Variants in ELOVL7 observed in about 807,000 individuals in gnomAD.
ELOVL7 encodes ELOVL fatty acid elongase 7.
Under a neutral mutation model 35.7 loss-of-function variants are expected in ELOVL7, and 27 were observed. That is an observed-to-expected ratio of 0.76 (90% CI 0.56 to 1.04). The LOEUF (loss-of-function observed/expected upper bound fraction) is 1.04, where lower values mean the gene tolerates loss of function less well. Ranked by LOEUF, ELOVL7 falls within the 50% of genes least tolerant of loss-of-function variation. ELOVL7 has a pLI of 0.00. For synonymous variants in ELOVL7, 113 were observed against 114.6 expected (o/e 0.99, Z 0.09); for missense variants, 327 against 340.8 (o/e 0.96, Z 0.32).
chr5:60,778,684 G>A (rs1047882373), intron 3 of ELOVL7, among the ~76,000 whole-genome samples: 7 of 152,138 alleles, frequency 4.6e-5, no homozygotes, highest in Admixed American at 3.3e-4. Flanking sequence ...TGAAATTTGG[G>A]TGGGGATACA....
intron 3 of ELOVL7, among the ~76,000 whole-genome samples, chr5:60,777,790 G>A (rs1045253336): frequency 2.0e-5 from 3 of 152,158 alleles, no homozygotes; most frequent in Admixed American, 6.5e-5. Context: ...AACCATAAAA[G>A]TGAGATATCC....
At chr5:60,776,628 C>A in intron 3 of ELOVL7, among the ~76,000 whole-genome samples, 1 of 152,150 alleles carries the variant, frequency 6.6e-6, no homozygotes, top group African/African-American at 2.4e-5. Flanking sequence ...AATGCAAAAC[C>A]AAATGCTACA....
chr5:60,784,041 G>A (rs138591167), intron 3 of ELOVL7: 285 of 826,798 alleles, frequency 3.4e-4, no homozygotes, highest in African/African-American at 2.1e-3. Flanking sequence ...TTAATAATTC[G>A]TTTCTAAGAG....
At chr5:60,819,474 A>G (rs1053081800) in intron 1 of ELOVL7, among the ~76,000 whole-genome samples, 29 of 152,230 alleles carry the variant, frequency 1.9e-4, no homozygotes, top group Non-Finnish European at 3.7e-4. Flanking sequence ...GCTAGAATGC[A>G]TAAGTGTTTA....
At chr5:60,802,528 T>C (rs1228156925) in intron 1 of ELOVL7, 4 of 152,174 alleles carry the variant, frequency 2.6e-5, no homozygotes, top group Non-Finnish European at 5.9e-5. Context: ...CAATCAATGC[T>C]GGAAAAGATT....
chr5:60,814,211 G>T (rs541858176), intron 1 of ELOVL7, among the ~76,000 whole-genome samples: 6 of 152,224 alleles, frequency 3.9e-5, no homozygotes, highest in African/African-American at 1.2e-4. Flanking sequence ...GTTCTGAAAA[G>T]AATAAAATTT....
chr5:60,795,714 C>T (rs1047542368), intron 2 of ELOVL7, among the ~76,000 whole-genome samples: 2 of 152,236 alleles, frequency 1.3e-5, no homozygotes, highest in African/African-American at 2.4e-5. Context: ...CAGTGAGGCG[C>T]CCATTGCCAC....
rs574748073 is a variant in ELOVL7 at position 60,786,866 on chromosome 5, A to C, written c.64+468T>G. 7.1e-3 allele frequency among the ~76,000 whole-genome samples: 1,084 copies of C among 151,690 alleles called. 5 individuals carry two copies. Among genetic ancestry groups the C allele is most frequent in the Non-Finnish European group, 0.012 (785 of 67,854 alleles). Reference sequence around the variant, plus strand: ...CTCAGGCAGAAGAATGGCGTGAACCAGGGAGGCGGAGGTTGCAGGGAGGCG... The same window carrying C: ...CTCAGGCAGAAGAATGGCGTGAACCCGGGAGGCGGAGGTTGCAGGGAGGCG... On this transcript the variant is annotated intron_variant, in intron 3 of 8. Coordinates refer to ENST00000508821, the MANE Select transcript of ELOVL7 (RefSeq NM_024930.3).
chr5:60,761,595 G>T (rs974702905), intron 7 of ELOVL7, among the ~76,000 whole-genome samples: 5 of 152,032 alleles, frequency 3.3e-5, no homozygotes, highest in African/African-American at 1.2e-4. Flanking sequence ...TAGGTTTGGG[G>T]GGAATATTGG....
chr5:60,798,869 T>C (rs1744423820), intron 2 of ELOVL7, among the ~76,000 whole-genome samples: 1 of 152,230 alleles, frequency 6.6e-6, no homozygotes, highest in African/African-American at 2.4e-5. Flanking sequence ...TTAACAGACA[T>C]GTGCTGAACG....
At chr5:60,813,142 G>A (rs993586759) in intron 1 of ELOVL7, among the ~76,000 whole-genome samples, 1 of 152,020 alleles carries the variant, frequency 6.6e-6, no homozygotes, top group Non-Finnish European at 1.5e-5. Flanking sequence ...CAACCAACAG[G>A]TTTATTGATC....
chr5:60,813,962 C>T (rs1745380971), intron 1 of ELOVL7, among the ~76,000 whole-genome samples: 1 of 152,154 alleles, frequency 6.6e-6, no homozygotes, highest in East Asian at 1.9e-4. Context: ...ACATTTCCTG[C>T]CATGGGAACT....
chr5:60,825,428 T>C (rs1579926455), intron 1 of ELOVL7, among the ~76,000 whole-genome samples: 1 of 152,352 alleles, frequency 6.6e-6, no homozygotes, highest in African/African-American at 2.4e-5. Flanking sequence ...TTCAGTGTTA[T>C]ATATATTTAT....
chr5:60,793,314 T>G (rs369841412), intron 2 of ELOVL7, among the ~76,000 whole-genome samples: 1 of 152,132 alleles, frequency 6.6e-6, no homozygotes, highest in East Asian at 1.9e-4. Flanking sequence ...GCTACAGTTT[T>G]TTTTGCCCAG....
At chr5:60,809,488 A>G (rs1419828810) in intron 1 of ELOVL7, among the ~76,000 whole-genome samples, 5 of 152,220 alleles carry the variant, frequency 3.3e-5, no homozygotes, top group East Asian at 1.9e-4. Flanking sequence ...GGATTTTCCA[A>G]TAAAGAGTTG....
At chr5:60,800,023 TC>T (rs1194627869) in intron 1 of ELOVL7, among the ~76,000 whole-genome samples, 2 of 73,952 alleles carry the variant, frequency 2.7e-5, no homozygotes, top group Non-Finnish European at 4.9e-5. Flanking sequence ...GGCTCAAAAC[TC>T]CATCTCAAAA....
intron 3 of ELOVL7, among the ~76,000 whole-genome samples, chr5:60,786,904 A>C (rs1743630615): frequency 6.6e-6 from 1 of 151,644 alleles, no homozygotes; most frequent in African/African-American, 2.4e-5. Context: ...GGTTGCAGTG[A>C]GCCGAGATTG....
intron 1 of ELOVL7, among the ~76,000 whole-genome samples, chr5:60,842,117 A>T (rs184987089): frequency 6.6e-6 from 1 of 152,344 alleles, no homozygotes; most frequent in East Asian, 1.9e-4. Context: ...TGCAAAGCAA[A>T]CATAAAAGAT....
At chr5:60,796,485 C>T (rs776669772) in intron 2 of ELOVL7, among the ~76,000 whole-genome samples, 60 of 152,184 alleles carry the variant, frequency 3.9e-4, no homozygotes, top group Non-Finnish European at 1.8e-4. Context: ...AGGAACAAGT[C>T]GTCCCCAGTT....
Sources: allele counts gnomAD v4.1 joint callset (sites outside exome capture counted in the v4.1 genomes callset), GRCh38; gene constraint gnomAD v4.1.1; transcripts MANE v1.5; gene names NCBI Gene and HGNC (gene_info 2026-07-23, HGNC 2026-07-21).